Variants in NNT observed in about 807,000 individuals in gnomAD.
NNT encodes NAD(P) transhydrogenase, mitochondrial.
In NNT, 50 loss-of-function variants were observed where a neutral mutation model predicts 104.8. That is an observed-to-expected ratio of 0.48 (90% CI 0.38 to 0.60). The LOEUF is 0.60. Ranked by LOEUF, NNT falls within the 20% of genes least tolerant of loss-of-function variation. The pLI is 0.00. For synonymous variants in NNT, 461 were observed against 490.4 expected, an observed-to-expected ratio of 0.94 and a Z score of 0.79; for missense variants, 1,131 against 1,330.7, an observed-to-expected ratio of 0.85 and a Z score of 2.33.
At chr5:43,681,519 C>G (rs1012879901) in intron 19 of NNT, among the ~76,000 whole-genome samples, 2 of 152,004 alleles carry the variant, frequency 1.3e-5, no homozygotes, top group African/African-American at 4.8e-5. Context: ...CCTGCCTCAG[C>G]CTGCCAAGTA....
chr5:43,646,202 A>G (rs1739418597), intron 10 of NNT, among the ~76,000 whole-genome samples: 1 of 152,228 alleles, frequency 6.6e-6, no homozygotes, highest in Non-Finnish European at 1.5e-5. Context: ...GAATGAAAGC[A>G]TGTGAAATAA....
At chr5:43,609,968 C>T (rs1749419201) in intron 2 of NNT, among the ~76,000 whole-genome samples, 1 of 152,186 alleles carries the variant, frequency 6.6e-6, no homozygotes, top group African/African-American at 2.4e-5. Flanking sequence ...CTGCCCCCTA[C>T]AGTCTGTTCT....
chr5:43,695,543 G>T (rs1742513424), intron 19 of NNT, among the ~76,000 whole-genome samples: 1 of 152,166 alleles, frequency 6.6e-6, no homozygotes, highest in South Asian at 2.1e-4. Context: ...GCTTAAGCTG[G>T]GCATTGACAG....
At chr5:43,658,193 G>A (rs985866412) in intron 16 of NNT, among the ~76,000 whole-genome samples, 16 of 152,056 alleles carry the variant, frequency 1.1e-4, no homozygotes, top group Non-Finnish European at 1.9e-4. Context: ...TGTTGTTTTT[G>A]GGAAGCAGTG....
At chr5:43,615,696 T>C in intron 3 of NNT, 152 bp from the exon 4 acceptor site, 1 of 698,756 alleles carries the variant, frequency 1.4e-6, no homozygotes. Context: ...GTGTGCCTTA[T>C]ATTGCTTAAG....
intron 2 of NNT, 152 bp downstream of exon 2, chr5:43,609,498 A>G: frequency 1.4e-6 from 1 of 696,672 alleles, no homozygotes; most frequent in African/African-American, 1.8e-5. Context: ...GCTATCTTGT[A>G]TTTTCCATGT....
intron 17 of NNT, chr5:43,666,633 ATT>A (rs878920651): frequency 2.3e-4 from 102 of 434,992 alleles, no homozygotes; most frequent in Middle Eastern, 6.5e-4. Context: ...AGGGAGATCT[ATT>A]TTTTTTTTTC....
chr5:43,706,172 A>T lies in NNT; in HGVS notation c.*1768A>T, dbSNP rs923106654. The T allele has an allele frequency of 6.6e-6, 1 of 151,538 alleles. No homozygotes were observed. The highest frequency in any genetic ancestry group is 2.4e-5 in the African/African-American group (1 of 41,402). 9.4% of individuals were successfully genotyped at this position (151,538 alleles called of 1,614,324 possible). On this transcript the variant is annotated 3_prime_UTR_variant, in exon 22 of 22. Coordinates refer to ENST00000344920, the MANE Select transcript of NNT (RefSeq NM_182977.3). Reference sequence around the variant, plus strand: ...ATTGTGTTAAATGAATTGAAAATTCATGCCCTGTTCATTTTATTTTACTTT... The same window carrying T: ...ATTGTGTTAAATGAATTGAAAATTCTTGCCCTGTTCATTTTATTTTACTTT...
At chr5:43,673,110 AT>A (rs1380191217) in intron 17 of NNT, among the ~76,000 whole-genome samples, 50 of 152,172 alleles carry the variant, frequency 3.3e-4, no homozygotes, top group Non-Finnish European at 4.4e-5. Context: ...CTGGTGTGCC[AT>A]TTGCTAAGAC....
At position 43,704,329 on chromosome 5, in the gene NNT, G is replaced by A. The variant is rs750532398; in HGVS notation, c.3186G>A (p.Thr1062=). ...ATCCAATCTTCTACAAACCTAACACGGCCATGCTTCTAGGTGATGCCAAGA... is the reference window on the plus strand; with the variant it reads ...ATCCAATCTTCTACAAACCTAACACAGCCATGCTTCTAGGTGATGCCAAGA... The part of the protein sequence containing the change: ...VDNPIFYKPN[T]AMLLGDAKKT... The change falls in exon 22 of 22, where the codon ACG becomes ACA. Residue 1062 remains threonine, a synonymous_variant. Transcript: ENST00000344920. 14 of 1,612,288 alleles carry A rather than the reference G, an allele frequency of 8.7e-6. No individual in the cohort carries two copies. Among genetic ancestry groups the A allele is most frequent in the South Asian group, 4.4e-5 (4 of 90,970 alleles).
Position 43,638,664 on chromosome 5 carries a change from G to GTT in NNT, c.965-5514_965-5513dup, listed in dbSNP as rs371989090. Among the ~76,000 whole-genome samples the GTT allele has an allele frequency of 1.0e-3, 138 of 133,730 alleles. 1 individual carries two copies. Among genetic ancestry groups the GTT allele is most frequent in the African/African-American group, 1.8e-3 (64 of 35,598 alleles). The allele number at this position is 133,730 out of a possible 152,430, so 87.7% of individuals were successfully genotyped here. ...TGTTTTTGTTAAAGCAGAAAGTTTT[G>GTT]TTTTTTTTTTTTTTTAGACCCTCTA... On this transcript the variant is annotated intron_variant, in intron 7 of 21. Transcript: ENST00000344920.
intron 17 of NNT, among the ~76,000 whole-genome samples, chr5:43,666,289 C>G (rs1437798590): frequency 5.3e-5 from 8 of 152,210 alleles, no homozygotes; most frequent in Non-Finnish European, 1.2e-4. Flanking sequence ...CCACTGCACT[C>G]CAGCCTGGGC....
rs1739547231 is a variant in NNT, at chr5:43,648,040, C to T, written c.1445-1107C>T. The T allele has an allele frequency of 3.4e-6, 4 of 1,193,144 alleles. No individual in the cohort carries two copies. The South Asian group carries it at 3.9e-5, about 11-fold the overall frequency. The allele number at this position is 1,193,144 out of a possible 1,614,324, so 73.9% of individuals were successfully genotyped here. ...CAGCAGAACCAGGATTCAAACCAGA[C>T]TGACTTAAGAAAACATATTCTTATT... On this transcript the variant is annotated intron_variant, in intron 10 of 21. Coordinates refer to ENST00000344920, the MANE Select transcript of NNT (RefSeq NM_182977.3).
Position 43,612,937 on chromosome 5 carries a change from G to A in NNT, c.181G>A (p.Val61Ile). Residue 61 changes from valine to isoleucine, a missense_variant, in exon 3 of 22, where the codon GTC (valine) becomes ATC (isoleucine). Transcript: ENST00000344920. ...TCCATATAAGCAACTGACTGTTGGA[G>A]TCCCCAAAGAGATATTCCAAAATGA... ...GIPYKQLTVG[V>I]PKEIFQNEKR... 6.2e-7 allele frequency: 1 copy of A among 1,613,630 alleles called. No homozygotes were observed.
intron 3 of NNT, chr5:43,613,718 A>G (rs1749626275): frequency 1.3e-5 from 2 of 152,348 alleles, no homozygotes; most frequent in South Asian, 2.1e-4. Context: ...AAAATCCTTT[A>G]GAGAAAGGGG....
intron 17 of NNT, among the ~76,000 whole-genome samples, chr5:43,662,453 A>G (rs958016962): frequency 6.6e-6 from 1 of 152,064 alleles, no homozygotes; most frequent in Non-Finnish European, 1.5e-5. Context: ...CAGGCATGCC[A>G]CTTACCATCA....
At chr5:43,652,233 AATT>A (rs1479419261) in intron 13 of NNT, among the ~76,000 whole-genome samples, 5 of 152,322 alleles carry the variant, frequency 3.3e-5, no homozygotes, top group South Asian at 4.1e-4. Flanking sequence ...AAATTTGAAA[AATT>A]ATTATTAAGT....
intron 19 of NNT, among the ~76,000 whole-genome samples, chr5:43,685,184 G>C (rs1741918968): frequency 6.6e-6 from 1 of 152,150 alleles, no homozygotes; most frequent in Non-Finnish European, 1.5e-5. Flanking sequence ...TAAAACAGGA[G>C]AAGTTAGTAG....
chr5:43,694,058 A>G (rs941347830), intron 19 of NNT, among the ~76,000 whole-genome samples: 4 of 152,190 alleles, frequency 2.6e-5, no homozygotes, highest in Non-Finnish European at 4.4e-5. Flanking sequence ...GAATTTTGTA[A>G]TGTTCCTGAT....
Sources: gnomAD v4.1 joint callset for allele counts (sites outside exome capture counted in the v4.1 genomes callset) on GRCh38, gnomAD v4.1.1 for gene constraint, MANE v1.5 for transcripts, NCBI Gene and HGNC (gene_info 2026-07-23, HGNC 2026-07-21) for gene names.